RPRD1B: variants seen among roughly 807,000 people sequenced by gnomAD.
RPRD1B encodes regulation of nuclear pre-mRNA domain containing 1B.
In RPRD1B, 11 loss-of-function variants were observed where a neutral mutation model predicts 41.5. That is an observed-to-expected ratio of 0.27 (90% CI 0.17 to 0.44). RPRD1B has a LOEUF of 0.44. RPRD1B is among the 20% of genes least tolerant of loss of function. The pLI is 1.00. For synonymous variants in RPRD1B, 158 were observed against 155.6 expected, an observed-to-expected ratio of 1.02 and a Z score of -0.12; for missense variants, 248 against 389.9, an observed-to-expected ratio of 0.64 and a Z score of 3.06.
intron 1 of RPRD1B, among the ~76,000 whole-genome samples, chr20:38,035,884 C>A (rs1419944184): frequency 6.6e-6 from 1 of 151,938 alleles, no homozygotes; most frequent in Non-Finnish European, 1.5e-5. Flanking sequence ...CCTGCCTCAG[C>A]CTCCCGAGTA....
chr20:38,066,417 T>G (rs1055989447), intron 6 of RPRD1B, among the ~76,000 whole-genome samples, 161 bp downstream of exon 6: 1 of 152,188 alleles, frequency 6.6e-6, no homozygotes. Flanking sequence ...TTGAGCCCAG[T>G]TAAAAATTGA....
chr20:38,034,231 A>G (rs926511675), intron 1 of RPRD1B, 133 bp downstream of exon 1: 14 of 1,008,738 alleles, frequency 1.4e-5, no homozygotes, highest in Non-Finnish European at 2.0e-5. Flanking sequence ...TGGGAGACAA[A>G]GTTAGCCCCA....
intron 6 of RPRD1B, among the ~76,000 whole-genome samples, chr20:38,087,644 G>T (rs907098819): frequency 6.6e-6 from 1 of 152,174 alleles, no homozygotes; most frequent in Non-Finnish European, 1.5e-5. Context: ...ATGAATCCGT[G>T]TCCAGAAATA....
chr20:38,059,314 T>C (rs1281861418), intron 4 of RPRD1B, 80 bp from the exon 5 acceptor site: 2 of 1,427,280 alleles, frequency 1.4e-6, no homozygotes, highest in Non-Finnish European at 1.9e-6. Flanking sequence ...AGAATTTGCC[T>C]CCACCTCATT....
At chr20:38,085,451 T>C (rs1393849223) in intron 6 of RPRD1B, 1 of 152,254 alleles carries the variant, frequency 6.6e-6, no homozygotes, top group African/African-American at 2.4e-5. Context: ...ACCTGAGTGG[T>C]ACTTGGTGTA....
chr20:38,048,424 G>C lies in RPRD1B; in HGVS notation c.358G>C (p.Glu120Gln). The change falls in exon 3 of 7, where the codon GAG (glutamate) becomes CAG (glutamine). Residue 120 changes from glutamate to glutamine, a missense_variant. Transcript: ENST00000373433. ...GCAAGAACGAAGTGTGTATGGCGGC[G>C]AGTTCATACAGCAGCTGAAGCTGTC... Reference protein sequence around the residue: ...IWQERSVYGGEFIQQLKLSME... With the variant: ...IWQERSVYGGQFIQQLKLSME... 6.2e-7 allele frequency: 1 copy of C among 1,613,964 alleles called. No individual in the cohort carries two copies. The highest frequency in any genetic ancestry group is 8.5e-7 in the Non-Finnish European group (1 of 1,179,878).
intron 5 of RPRD1B, among the ~76,000 whole-genome samples, chr20:38,063,105 T>A (rs138754642): frequency 6.6e-6 from 1 of 152,246 alleles, no homozygotes; most frequent in Non-Finnish European, 1.5e-5. Context: ...TCTTTCCTCC[T>A]AGCGCCTTTG....
chr20:38,041,289 T>C (rs1358011782), intron 2 of RPRD1B, among the ~76,000 whole-genome samples: 1 of 152,348 alleles, frequency 6.6e-6, no homozygotes, highest in East Asian at 1.9e-4. Flanking sequence ...TAAACAGATA[T>C]TTGCAAAAGG....
chr20:38,078,149 C>CA (rs2074481743), intron 6 of RPRD1B, among the ~76,000 whole-genome samples: 1 of 150,678 alleles, frequency 6.6e-6, no homozygotes, highest in East Asian at 1.9e-4. Context: ...GCCTGGGCGA[C>CA]AGAGTGCAGG....
chr20:38,087,923 C>T (rs2074576895), intron 6 of RPRD1B, among the ~76,000 whole-genome samples: 1 of 152,250 alleles, frequency 6.6e-6, no homozygotes, highest in South Asian at 2.1e-4. Flanking sequence ...CACTGCGGAG[C>T]CTGGTGGATG....
intron 5 of RPRD1B, chr20:38,065,772 C>G (rs1202637529): frequency 4.7e-6 from 1 of 213,070 alleles, no homozygotes; most frequent in African/African-American, 2.3e-5. Flanking sequence ...CACAGGTGAT[C>G]TTCAATATCT....
At chr20:38,087,223 G>T (rs1389418244) in intron 6 of RPRD1B, among the ~76,000 whole-genome samples, 1 of 152,214 alleles carries the variant, frequency 6.6e-6, no homozygotes, top group Non-Finnish European at 1.5e-5. Context: ...GCCTCCCAAA[G>T]TGCTGGGATT....
rs566206151 is a variant in RPRD1B at position 38,092,105 on chromosome 20, T to G, written c.*2230T>G. 1.5e-4 allele frequency: 146 copies of G among 985,668 alleles called. 1 individual carries two copies. The African/African-American group carries it at 2.3e-3, about 16-fold the overall frequency. The allele number at this position is 985,668 out of a possible 1,614,324, so 61.1% of individuals were successfully genotyped here. A position where few individuals can be genotyped will look rare whatever the true frequency, so the allele number is the denominator to read the frequency against. The stretch of plus-strand genomic sequence containing the variant: ...GAGGTGACTTGGTGGGTGGGGTGGG[T>G]GGTTTTTGTTTTTGTGTTTTTTCTT... On this transcript the variant is annotated 3_prime_UTR_variant, in exon 7 of 7. Transcript: ENST00000373433.
intron 5 of RPRD1B, 78 bp downstream of exon 5, chr20:38,059,598 C>G: frequency 7.1e-7 from 1 of 1,406,116 alleles, no homozygotes; most frequent in Non-Finnish European, 9.7e-7. Context: ...CCATACTTAA[C>G]GTCTGCAGGT....
Position 38,075,137 on chromosome 20 carries a change from A to G in RPRD1B, c.831+8881A>G, listed in dbSNP as rs994705633. On this transcript the variant is annotated intron_variant, in intron 6 of 6. Transcript: ENST00000373433. ...TAGATTTCTAGAAGTGGTTCTATGTATATGTGCAGATGTCTGCTTGTCTTT... is the reference window on the plus strand; with the variant it reads ...TAGATTTCTAGAAGTGGTTCTATGTGTATGTGCAGATGTCTGCTTGTCTTT... Among the ~76,000 whole-genome samples, 81 of 152,204 alleles carry G rather than the reference A, an allele frequency of 5.3e-4. 1 individual carries two copies. The highest frequency in any genetic ancestry group is 1.9e-4 in the East Asian group (1 of 5,206).
At chr20:38,064,985 C>CAAA (rs35993264) in intron 5 of RPRD1B, among the ~76,000 whole-genome samples, 2 of 109,350 alleles carry the variant, frequency 1.8e-5, no homozygotes, top group Non-Finnish European at 3.9e-5. Context: ...GACACCATCT[C>CAAA]AAAAAAAAAA....
At chr20:38,065,874 A>G (rs1424002707) in intron 5 of RPRD1B, 2 of 445,976 alleles carry the variant, frequency 4.5e-6, no homozygotes, top group Non-Finnish European at 7.9e-6. Context: ...TCCTCACTTC[A>G]GGTAATTGAG....
At chr20:38,060,916 C>T (rs1182738193) in intron 5 of RPRD1B, among the ~76,000 whole-genome samples, 1 of 152,018 alleles carries the variant, frequency 6.6e-6, no homozygotes, top group Non-Finnish European at 1.5e-5. Flanking sequence ...AGTCTCCTGG[C>T]AAAATCCCTA....
At chr20:38,085,137 A>G (rs1345138837) in intron 6 of RPRD1B, among the ~76,000 whole-genome samples, 1 of 152,156 alleles carries the variant, frequency 6.6e-6, no homozygotes, top group Non-Finnish European at 1.5e-5. Flanking sequence ...CTTCTCTTGC[A>G]TAAGATTGGT....
Sources: allele counts gnomAD v4.1 joint callset (sites outside exome capture counted in the v4.1 genomes callset), GRCh38; gene constraint gnomAD v4.1.1; transcripts MANE v1.5; gene names NCBI Gene and HGNC (gene_info 2026-07-23, HGNC 2026-07-21).